The following ITPKC variants were observed in gnomAD, a reference collection of about 807,000 sequenced individuals.
The protein encoded by ITPKC is IP3 3-kinase C.
In ITPKC, 33 loss-of-function variants were observed where a neutral mutation model predicts 67.1. The observed-to-expected ratio is 0.49, with a 90% CI of 0.37 to 0.66. The LOEUF (loss-of-function observed/expected upper bound fraction) is 0.66, where lower values mean the gene tolerates loss of function less well. ITPKC is among the 30% of genes least tolerant of loss of function. The pLI, the probability that ITPKC is intolerant of heterozygous loss-of-function variation, is 0.00. For synonymous variants in ITPKC, 341 were observed against 359.8 expected, an observed-to-expected ratio of 0.95 and a Z score of 0.59; for missense variants, 820 against 892.1, an observed-to-expected ratio of 0.92 and a Z score of 1.03.
chr19:40,725,488 G>A (rs1162248758), intron 2 of ITPKC, 49 bp downstream of exon 2: 1 of 1,239,924 alleles, frequency 8.1e-7, no homozygotes, highest in Non-Finnish European at 1.2e-6. Flanking sequence ...CCTGGGCCAG[G>A]GAAAGGGATG....
intron 1 of ITPKC, among the ~76,000 whole-genome samples, 186 bp downstream of exon 1, chr19:40,718,476 C>G (rs1388973296): frequency 6.6e-6 from 1 of 152,136 alleles, no homozygotes; most frequent in Non-Finnish European, 1.5e-5. Context: ...CCAGGCACCC[C>G]TTCTTAATTC....
At chr19:40,719,070 G>T (rs961662848) in intron 1 of ITPKC, among the ~76,000 whole-genome samples, 3 of 152,136 alleles carry the variant, frequency 2.0e-5, no homozygotes, top group Admixed American at 6.6e-5. Flanking sequence ...CTCACGTGGG[G>T]CTGGGAGCCG....
rs899710216 is a variant in ITPKC, at chr19:40,717,230, G to A, written c.95G>A (p.Gly32Glu). The change falls in exon 1 of 7, where the codon GGG becomes GAG. Residue 32 changes from glycine (G) to glutamate (E), a missense_variant. Physicochemically the swap from Gly to Glu is moderately conservative, Grantham distance 98. This residue lies in a region of ITPKC where 481 missense variants were observed against 470.1 expected (regional missense o/e 1.02). Coordinates refer to ENST00000263370, the MANE Select transcript of ITPKC (RefSeq NM_025194.3). ...ATGGGACTGGAGGCGCCGCGAGGAG[G>A]GCGGCGGCGGCAGCCGGGACAGCAG... ...ARMGLEAPRG[G>E]RRRQPGQQRP... is the part of the protein sequence containing the mutation. 2 of 1,237,162 alleles carry A rather than the reference G, an allele frequency of 1.6e-6. No individual in the cohort carries two copies. Among genetic ancestry groups the A allele is most frequent in the Non-Finnish European group, 2.0e-6 (2 of 994,618 alleles). 76.6% of individuals were successfully genotyped at this position (1,237,162 alleles called of 1,614,324 possible). A position where few individuals can be genotyped will look rare whatever the true frequency, so the allele number is the denominator to read the frequency against.
In ITPKC at chr19:40,717,267, C is replaced by T. The variant is rs1328529252; in HGVS notation, c.132C>T (p.Pro44=). The change falls in exon 1 of 7, where the codon CCC becomes CCT. Residue 44 remains proline, a synonymous_variant. Coordinates refer to ENST00000263370, the MANE Select transcript of ITPKC (RefSeq NM_025194.3). ...AGCCGGGACAGCAGCGACCTGGGCC[C>T]GGCGCAGGGGCCCCGGCGGGGCGGC... ...RRQPGQQRPG[P]GAGAPAGRPE... 3 of 1,399,200 alleles carry T rather than the reference C, an allele frequency of 2.1e-6. No homozygotes were observed. The highest frequency in any genetic ancestry group is 3.2e-5 in the South Asian group (2 of 62,456). 86.7% of individuals were successfully genotyped at this position (1,399,200 alleles called of 1,614,324 possible).
chr19:40,725,584 T>C, intron 2 of ITPKC, 145 bp downstream of exon 2: 1 of 660,398 alleles, frequency 1.5e-6, no homozygotes, highest in Non-Finnish European at 2.7e-6. Flanking sequence ...TGCTTAGGCC[T>C]GGGCCTGGCC....
At chr19:40,733,444 G>A (rs1368566941) in intron 4 of ITPKC, 80 bp downstream of exon 4, 3 of 1,364,308 alleles carry the variant, frequency 2.2e-6, no homozygotes, top group East Asian at 2.5e-5. Flanking sequence ...GGAAAGCCAC[G>A]AGAGAGTGCA....
At chr19:40,734,302 A>C (rs1443234913) in intron 4 of ITPKC, among the ~76,000 whole-genome samples, 4 of 151,990 alleles carry the variant, frequency 2.6e-5, no homozygotes, top group Admixed American at 1.3e-4. Flanking sequence ...TTTTGCCATT[A>C]GCAGGCCTCA....
intron 1 of ITPKC, among the ~76,000 whole-genome samples, chr19:40,721,490 C>A (rs2082222283): frequency 6.6e-6 from 1 of 151,958 alleles, no homozygotes; most frequent in African/African-American, 2.4e-5. Context: ...CCTGCCTCGG[C>A]CTCCCAAGTA....
chr19:40,737,766 C>A lies in ITPKC; in HGVS notation c.1845C>A (p.His615Gln). 1 of 1,613,758 alleles carries A rather than the reference C, an allele frequency of 6.2e-7. No homozygotes were observed. The highest frequency in any genetic ancestry group is 8.5e-7 in the Non-Finnish European group (1 of 1,179,702). ...AGATCTCCCCCTTCTTCAAGACCCA[C>A]GAGGTGCGAGCCCTGGCTTCCATGG... Reference protein sequence around the residue: ...ALEISPFFKTHEVVGSSLLFV... With the variant: ...ALEISPFFKTQEVVGSSLLFV... The change falls in exon 6 of 7, where the codon CAC (histidine) becomes CAA (glutamine). Residue 615 changes from histidine to glutamine, a missense_variant. Coordinates refer to ENST00000263370, the MANE Select transcript of ITPKC (RefSeq NM_025194.3).
chr19:40,731,575 G>A (rs2082270667), intron 3 of ITPKC, among the ~76,000 whole-genome samples: 1 of 148,762 alleles, frequency 6.7e-6, no homozygotes, highest in Non-Finnish European at 1.5e-5. Context: ...CTATCTGGAA[G>A]CTCCTGAGCC....
intron 1 of ITPKC, among the ~76,000 whole-genome samples, chr19:40,721,716 G>A (rs2082223548): frequency 6.6e-6 from 1 of 151,874 alleles, no homozygotes; most frequent in Admixed American, 6.6e-5. Flanking sequence ...TTATGATTAA[G>A]GGGCCAGGTG....
chr19:40,739,317 T>C, intron 6 of ITPKC, 40 bp from the exon 7 acceptor site: 2 of 1,519,950 alleles, frequency 1.3e-6, no homozygotes, highest in South Asian at 1.1e-5. Flanking sequence ...CCTTGGCCAG[T>C]GCCTGCTCCT....
intron 6 of ITPKC, among the ~76,000 whole-genome samples, 188 bp from the exon 7 acceptor site, chr19:40,739,169 C>T (rs796936820): frequency 6.6e-6 from 1 of 152,122 alleles, no homozygotes; most frequent in Non-Finnish European, 1.5e-5. Flanking sequence ...TATATGAGGA[C>T]GCAGAACCAC....
In ITPKC at chr19:40,732,997, A is replaced by G. The variant is rs112985686; in HGVS notation, c.1470-163A>G. Among the ~76,000 whole-genome samples the G allele has an allele frequency of 3.8e-3, 584 of 152,290 alleles. 4 individuals carry two copies. Among genetic ancestry groups the G allele is most frequent in the African/African-American group, 0.014 (573 of 41,554 alleles). On this transcript the variant is annotated intron_variant, in intron 3 of 6. Transcript: ENST00000263370. ...CACTGAATTGCAGTGCCTAGTCATA[A>G]CTGCACAACTCTACGTGTGTGTCTT... is the stretch of plus-strand genomic sequence containing the variant.
At chr19:40,726,894 T>G (rs1246341030) in intron 2 of ITPKC, among the ~76,000 whole-genome samples, 4 of 151,368 alleles carry the variant, frequency 2.6e-5, no homozygotes. Flanking sequence ...ATAAAGAAAT[T>G]AACTGGGCAT....
intron 6 of ITPKC, among the ~76,000 whole-genome samples, chr19:40,738,494 G>A (rs980124604): frequency 1.3e-5 from 2 of 152,080 alleles, no homozygotes; most frequent in African/African-American, 4.8e-5. Context: ...AGAGGTTGCA[G>A]TGAGCTGAGA....
intron 4 of ITPKC, among the ~76,000 whole-genome samples, chr19:40,734,511 C>T (rs983591040): frequency 6.6e-6 from 1 of 152,152 alleles, no homozygotes; most frequent in East Asian, 1.9e-4. Context: ...CCATGCCATT[C>T]TCCTGTTCGA....
intron 2 of ITPKC, among the ~76,000 whole-genome samples, chr19:40,727,078 T>C (rs1409563302): frequency 2.0e-5 from 3 of 152,082 alleles, no homozygotes; most frequent in African/African-American, 7.2e-5. Context: ...CTCACGCCTG[T>C]AATCCCAGCA....
chr19:40,718,193 G>T lies in ITPKC; in HGVS notation c.1058G>T (p.Gly353Val). The T allele has an allele frequency of 2.5e-6, 4 of 1,573,486 alleles. No individual in the cohort carries two copies. Among genetic ancestry groups the T allele is most frequent in the Non-Finnish European group, 3.4e-6 (4 of 1,163,186 alleles). The part of the protein sequence containing the change: ...PVGPPSRVEG[G>V]SGGFSSASSF... ...GGACCCCCCTCCCGGGTTGAGGGGG[G>T]CAGCGGCGGCTTCTCCTCTGCCTCT... The change falls in exon 1 of 7, where the codon GGC becomes GTC. Residue 353 changes from glycine (G) to valine (V), a missense_variant. This residue lies in a region of ITPKC where 481 missense variants were observed against 470.1 expected (regional missense o/e 1.02). Transcript: ENST00000263370.
Sources: gnomAD v4.1 joint callset for allele counts (sites outside exome capture counted in the v4.1 genomes callset) on GRCh38, gnomAD v4.1.1 for gene constraint, gnomAD v4.1.1 regional missense constraint, MANE v1.5 for transcripts, NCBI Gene and HGNC (gene_info 2026-07-23, HGNC 2026-07-21) for gene names.